The following CR1L variants were observed in gnomAD, a reference collection of about 807,000 sequenced individuals.
CR1L encodes the protein complement C3b/C4b receptor 1 like, also known as complement component receptor 1-like protein.
Under a neutral mutation model 62.3 loss-of-function variants are expected in CR1L, and 59 were observed. The observed-to-expected ratio is 0.95, with a 90% CI of 0.77 to 1.18. The LOEUF is 1.18. CR1L is among the 50% of genes most tolerant of loss of function. The pLI, the probability that CR1L is intolerant of heterozygous loss-of-function variation, is 0.00. For synonymous variants in CR1L, 279 were observed against 248.7 expected, an observed-to-expected ratio of 1.12 and a Z score of -1.15; for missense variants, 700 against 702.8, an observed-to-expected ratio of 1.00 and a Z score of 0.04.
chr1:207,710,459 T>A, intron 10 of CR1L: 2 of 1,591,816 alleles, frequency 1.3e-6, no homozygotes, highest in Non-Finnish European at 1.7e-6. Flanking sequence ...TCACTATGGA[T>A]CAGTGGTGAC....
intron 10 of CR1L, among the ~76,000 whole-genome samples, chr1:207,714,598 TG>T (rs939485260): frequency 6.6e-6 from 1 of 152,216 alleles, no homozygotes; most frequent in African/African-American, 2.4e-5. Context: ...AGTATGAGTC[TG>T]GGGGATAACT....
intron 1 of CR1L, among the ~76,000 whole-genome samples, chr1:207,672,600 T>C (rs1663629776): frequency 1.3e-5 from 2 of 151,968 alleles, no homozygotes; most frequent in South Asian, 4.2e-4. Flanking sequence ...GACGACTTCA[T>C]CCAACAACAG....
chr1:207,678,068 T>C, intron 2 of CR1L, 130 bp from the exon 3 acceptor site: 1 of 789,150 alleles, frequency 1.3e-6, no homozygotes, highest in Non-Finnish European at 2.1e-6. Flanking sequence ...TTCCTCAAGG[T>C]AGCAAAATCT....
chr1:207,719,626 T>C (rs995206983), intron 11 of CR1L, among the ~76,000 whole-genome samples: 2 of 151,854 alleles, frequency 1.3e-5, no homozygotes, highest in Non-Finnish European at 2.9e-5. Context: ...GAGGCTCAGG[T>C]GGGAGAATCC....
At chr1:207,720,173 C>T (rs934682654) in intron 11 of CR1L, among the ~76,000 whole-genome samples, 6 of 152,194 alleles carry the variant, frequency 3.9e-5, no homozygotes, top group African/African-American at 1.4e-4. Context: ...CACATAGGAA[C>T]TCCTTTTGTC....
intron 11 of CR1L, among the ~76,000 whole-genome samples, chr1:207,721,805 C>T (rs1293348538): frequency 6.6e-6 from 1 of 150,532 alleles, no homozygotes; most frequent in African/African-American, 2.5e-5. Context: ...TACAGTCCCA[C>T]CAACAGTGTA....
rs2102473423 is a variant in CR1L, at chr1:207,702,430, A to G, written c.1328+812A>G. Among the ~76,000 whole-genome samples the G allele has an allele frequency of 1.3e-5, 2 of 152,334 alleles. 1 individual carries two copies. Among genetic ancestry groups the G allele is most frequent in the South Asian group, 4.1e-4 (2 of 4,830 alleles). ...GCCCTACAATGGCCTTTAAGTGTTG[A>G]CATGAAGGGAGGAGTCATGCATCTC... On this transcript the variant is annotated intron_variant, in intron 9 of 11. Transcript: ENST00000508064.
chr1:207,675,264 A>G (rs903143430), intron 1 of CR1L, among the ~76,000 whole-genome samples: 1 of 131,118 alleles, frequency 7.6e-6, no homozygotes, highest in Non-Finnish European at 1.8e-5. Context: ...AAAGGGCCTG[A>G]CTAGAAATTA....
At chr1:207,649,848 A>G (rs146086790) in intron 1 of CR1L, among the ~76,000 whole-genome samples, 2 of 152,376 alleles carry the variant, frequency 1.3e-5, no homozygotes, top group African/African-American at 4.8e-5. Context: ...GGTAATGTGA[A>G]AAATGAATTG....
At chr1:207,715,376 A>G (rs1653970163) in intron 10 of CR1L, 2 of 1,595,786 alleles carry the variant, frequency 1.3e-6, no homozygotes, top group Non-Finnish European at 1.7e-6. Flanking sequence ...CCTTTGGAAT[A>G]GCAGTGTTCC....
intron 5 of CR1L, among the ~76,000 whole-genome samples, chr1:207,696,706 T>C (rs923091352): frequency 1.3e-5 from 2 of 152,224 alleles, no homozygotes; most frequent in African/African-American, 4.8e-5. Context: ...AAAGACAAAC[T>C]GAAATTATTT....
intron 5 of CR1L, 33 bp downstream of exon 5, chr1:207,694,784 C>A (rs1664049362): frequency 1.2e-6 from 2 of 1,611,726 alleles, no homozygotes; most frequent in Non-Finnish European, 1.7e-6. Context: ...AGGGCCCTGC[C>A]AGTGACATGC....
At chr1:207,701,672 C>T in intron 9 of CR1L, 54 bp downstream of exon 9, 1 of 1,609,432 alleles carries the variant, frequency 6.2e-7, no homozygotes, top group Non-Finnish European at 8.5e-7. Flanking sequence ...GCAATACTAC[C>T]TTCTAGCCAC....
intron 1 of CR1L, among the ~76,000 whole-genome samples, chr1:207,646,798 T>A (rs1378397499): frequency 1.3e-5 from 2 of 151,032 alleles, no homozygotes; most frequent in African/African-American, 4.9e-5. Flanking sequence ...AAAGGACAAC[T>A]GTTTTTAATA....
rs569512098 is a variant in CR1L at position 207,701,370 on chromosome 1, T to G, written c.1229-149T>G. The G allele has an allele frequency of 4.2e-4, 394 of 938,360 alleles. 2 individuals are homozygous for G. In the African/African-American group the frequency reaches 5.8e-3, roughly 14 times the overall value. 58.1% of individuals were successfully genotyped at this position (938,360 alleles called of 1,614,324 possible). ...CTTAGTAGGTGGCTGATCCTGAGGC[T>G]CTCTGATGAGTTTTCTCAAGGTGCC... is the stretch of plus-strand genomic sequence containing the variant. On this transcript the variant is annotated intron_variant, in intron 8 of 11. Coordinates refer to ENST00000508064, the MANE Select transcript of CR1L (RefSeq NM_175710.2).
intron 1 of CR1L, among the ~76,000 whole-genome samples, chr1:207,668,595 A>C (rs1407149182): frequency 6.6e-6 from 1 of 150,966 alleles, no homozygotes; most frequent in Non-Finnish European, 1.5e-5. Context: ...TTCATCCTTG[A>C]ATACTTAACC....
rs1373100576 is a variant in CR1L, at chr1:207,669,552, G to A, written c.98-7837G>A. Reference sequence around the variant, plus strand: ...TGGCGGTCGTGGTGCTGCTCGCGCTGCCGGTGGCCTGGGGTGAAACGCTGG... The same window carrying A: ...TGGCGGTCGTGGTGCTGCTCGCGCTACCGGTGGCCTGGGGTGAAACGCTGG... On this transcript the variant is annotated intron_variant, in intron 1 of 11. Coordinates refer to ENST00000508064, the MANE Select transcript of CR1L (RefSeq NM_175710.2). 1.9e-6 allele frequency: 3 copies of A among 1,564,722 alleles called. No homozygotes were observed. In the East Asian group the frequency reaches 6.9e-5, roughly 36 times the overall value.
rs375624771 is a variant in CR1L at position 207,721,438 on chromosome 1, G to A, written c.1643-2180G>A. Among the ~76,000 whole-genome samples the A allele has an allele frequency of 4.1e-3, 609 of 150,058 alleles. 4 individuals are homozygous for A. Among genetic ancestry groups the A allele is most frequent in the African/African-American group, 0.014 (553 of 40,764 alleles). ...TTCCCACCTATGAGTGAGAATATGC[G>A]GTGTTTGGTTTTTCGTTCTTGCGAT... is the stretch of plus-strand genomic sequence containing the variant. On this transcript the variant is annotated intron_variant, in intron 11 of 11. Transcript: ENST00000508064.
intron 1 of CR1L, chr1:207,653,045 G>T: frequency 4.9e-6 from 1 of 205,290 alleles, no homozygotes; most frequent in South Asian, 8.6e-5. Flanking sequence ...TTTAGAAACT[G>T]GATTGAAAAA....
Sources: allele counts gnomAD v4.1 joint callset (sites outside exome capture counted in the v4.1 genomes callset), GRCh38; gene constraint gnomAD v4.1.1; transcripts MANE v1.5; gene names NCBI Gene and HGNC (gene_info 2026-07-23, HGNC 2026-07-21).